Variants in TBC1D14 observed in about 807,000 individuals in gnomAD.
The protein encoded by TBC1D14 is TBC1 domain family member 14.
In TBC1D14, 26 loss-of-function variants were observed where a neutral mutation model predicts 79.0. That is an observed-to-expected ratio of 0.33 (90% CI 0.24 to 0.46). The LOEUF (loss-of-function observed/expected upper bound fraction) is 0.46, where lower values mean the gene tolerates loss of function less well. TBC1D14 is among the 20% of genes least tolerant of loss of function. The probability of loss-of-function intolerance (pLI) is 1.00; values close to 1 mark genes in which losing one functional copy is unlikely to be tolerated. For synonymous variants in TBC1D14, 394 were observed against 349.9 expected (o/e 1.13, Z -1.40); for missense variants, 769 against 887.6 (o/e 0.87, Z 1.70).
chr4:6,937,343 C>G (rs981435531), intron 2 of TBC1D14, among the ~76,000 whole-genome samples: 2 of 152,202 alleles, frequency 1.3e-5, no homozygotes, highest in Non-Finnish European at 2.9e-5. Flanking sequence ...GTCTGGTGAG[C>G]TGTTGAACAT....
intron 2 of TBC1D14, among the ~76,000 whole-genome samples, chr4:6,936,981 GA>G (rs1712398928): frequency 6.6e-6 from 1 of 152,118 alleles, no homozygotes; most frequent in Non-Finnish European, 1.5e-5. Flanking sequence ...GCAATGGCAC[GA>G]TCTCGGCTCA....
At chr4:6,952,423 T>A (rs946916731) in intron 2 of TBC1D14, among the ~76,000 whole-genome samples, 3 of 152,202 alleles carry the variant, frequency 2.0e-5, no homozygotes, top group African/African-American at 7.2e-5. Flanking sequence ...GGGCAGGGAT[T>A]TTGTCAGTTT....
At chr4:6,921,369 G>C (rs1325441738) in intron 1 of TBC1D14, among the ~76,000 whole-genome samples, 3 of 151,840 alleles carry the variant, frequency 2.0e-5, no homozygotes, top group African/African-American at 7.3e-5. Context: ...ACCACACCCA[G>C]CTAATTTAAA....
intron 11 of TBC1D14, among the ~76,000 whole-genome samples, chr4:7,011,165 G>A (rs189382086): frequency 3.3e-5 from 5 of 152,296 alleles, no homozygotes; most frequent in East Asian, 1.9e-4. Context: ...GTAATCGAGC[G>A]GTGTTGCTGC....
At chr4:6,964,572 A>C (rs926870253) in intron 2 of TBC1D14, among the ~76,000 whole-genome samples, 6 of 152,220 alleles carry the variant, frequency 3.9e-5, no homozygotes, top group African/African-American at 1.4e-4. Context: ...GCGAAATCTT[A>C]GATGTTAAAC....
intron 2 of TBC1D14, among the ~76,000 whole-genome samples, chr4:6,966,861 G>A (rs1305133536): frequency 6.6e-6 from 1 of 152,252 alleles, no homozygotes; most frequent in Admixed American, 6.5e-5. Flanking sequence ...CCAGGCTGGA[G>A]TGCAGTGGCA....
chr4:6,978,048 C>G (rs1399429050), intron 3 of TBC1D14, among the ~76,000 whole-genome samples: 2 of 151,924 alleles, frequency 1.3e-5, no homozygotes, highest in Non-Finnish European at 2.9e-5. Context: ...CGCCCGGCAG[C>G]CACCCCGTCT....
intron 2 of TBC1D14, among the ~76,000 whole-genome samples, chr4:6,944,127 G>A (rs577555080): frequency 1.4e-4 from 22 of 152,234 alleles, no homozygotes; most frequent in African/African-American, 4.3e-4. Context: ...AAACTTCGGC[G>A]TCGTTCTATT....
At position 6,958,293 on chromosome 4, in the gene TBC1D14, G is replaced by A. The variant is rs561851617; in HGVS notation, c.723-9011G>A. Among the ~76,000 whole-genome samples, 4 of 152,142 alleles carry A rather than the reference G, an allele frequency of 2.6e-5. No homozygotes were observed. The East Asian group carries it at 7.7e-4, about 29-fold the overall frequency. Reference sequence around the variant, plus strand: ...CCTGCTTCATACTGGGGGTCGAGGGGGTTATGTCCCTTGAGCATCCTGACT... The same window carrying A: ...CCTGCTTCATACTGGGGGTCGAGGGAGTTATGTCCCTTGAGCATCCTGACT... On this transcript the variant is annotated intron_variant, in intron 2 of 13. Coordinates refer to ENST00000409757, the MANE Select transcript of TBC1D14 (RefSeq NM_020773.3).
chr4:6,970,094 A>C (rs969409542), intron 3 of TBC1D14, among the ~76,000 whole-genome samples: 45 of 152,240 alleles, frequency 3.0e-4, no homozygotes, highest in African/African-American at 1.1e-3. Context: ...GGGCCATGAC[A>C]GCCTAGACTT....
Position 7,031,089 on chromosome 4 carries a change from C to G in TBC1D14, c.*697C>G, listed in dbSNP as rs143105662. 200 of 152,438 alleles carry G rather than the reference C, an allele frequency of 1.3e-3. No homozygotes were observed. Among genetic ancestry groups the G allele is most frequent in the African/African-American group, 4.3e-3 (179 of 41,556 alleles). 9.4% of individuals were successfully genotyped at this position (152,438 alleles called of 1,614,324 possible). On this transcript the variant is annotated 3_prime_UTR_variant, in exon 14 of 14. Coordinates refer to ENST00000409757, the MANE Select transcript of TBC1D14 (RefSeq NM_020773.3). ...AGACTGCTCCCTGGCATCGGTCCTGCGGAGGTGGAAAGTTCGAGAGGAGGA... is the reference window on the plus strand; with the variant it reads ...AGACTGCTCCCTGGCATCGGTCCTGGGGAGGTGGAAAGTTCGAGAGGAGGA...
intron 1 of TBC1D14, among the ~76,000 whole-genome samples, chr4:6,919,888 G>A (rs1048454450): frequency 1.3e-5 from 2 of 152,148 alleles, no homozygotes; most frequent in African/African-American, 2.4e-5. Context: ...CAAAGTACTG[G>A]GATTACAGGC....
intron 13 of TBC1D14, 48 bp from the exon 14 acceptor site, chr4:7,030,279 C>G: frequency 6.3e-7 from 1 of 1,586,464 alleles, no homozygotes; most frequent in South Asian, 1.1e-5. Context: ...CTGTCAGGAT[C>G]TGTGTGCGTG....
chr4:6,913,221 C>A (rs1381829082), intron 1 of TBC1D14, among the ~76,000 whole-genome samples: 1 of 152,224 alleles, frequency 6.6e-6, no homozygotes, highest in Non-Finnish European at 1.5e-5. Context: ...TTTTGAACCC[C>A]TGACTTCAGG....
chr4:6,915,780 C>T (rs1253752887), intron 1 of TBC1D14, among the ~76,000 whole-genome samples: 1 of 151,970 alleles, frequency 6.6e-6, no homozygotes, highest in African/African-American at 2.4e-5. Flanking sequence ...ACCCTCAGGC[C>T]ATCGTGGAGT....
At chr4:6,963,776 C>G (rs755401924) in intron 2 of TBC1D14, among the ~76,000 whole-genome samples, 29 of 152,320 alleles carry the variant, frequency 1.9e-4, no homozygotes, top group Middle Eastern at 3.4e-3. Context: ...AGCCTAAGCT[C>G]TTATGTTAAA....
rs141071796 is a variant in TBC1D14 at position 6,932,253 on chromosome 4, G to C, written c.722+8142G>C. ...CATGCACCTGTAATCCCAGCTACTC[G>C]AGAGGCTGAGGCAGGAGAATTGCTT... On this transcript the variant is annotated intron_variant, in intron 2 of 13. Transcript: ENST00000409757. Among the ~76,000 whole-genome samples the C allele has an allele frequency of 3.9e-3, 598 of 152,062 alleles. 4 individuals carry two copies. Among genetic ancestry groups the C allele is most frequent in the African/African-American group, 0.013 (534 of 41,484 alleles).
chr4:6,980,784 C>T (rs189057956), intron 3 of TBC1D14, among the ~76,000 whole-genome samples: 25 of 151,184 alleles, frequency 1.7e-4, no homozygotes, highest in East Asian at 9.7e-4. Flanking sequence ...GGTGTGATCT[C>T]GGCTCACTGC....
chr4:6,955,098 A>G lies in TBC1D14; in HGVS notation c.723-12206A>G, dbSNP rs542414235. Among the ~76,000 whole-genome samples, 11 of 152,292 alleles carry G rather than the reference A, an allele frequency of 7.2e-5. No individual in the cohort carries two copies. In the East Asian group the frequency reaches 2.1e-3, roughly 29 times the overall value. On this transcript the variant is annotated intron_variant, in intron 2 of 13. Transcript: ENST00000409757. ...TGTGGAGGAGGTAGGATTTTCTTAC[A>G]TAGGAGGTTTGCTCTGAAGGAGGCT...
Sources: gnomAD v4.1 joint callset for allele counts (sites outside exome capture counted in the v4.1 genomes callset) on GRCh38, gnomAD v4.1.1 for gene constraint, MANE v1.5 for transcripts, NCBI Gene and HGNC (gene_info 2026-07-23, HGNC 2026-07-21) for gene names.